The following MAGI3 variants were observed in gnomAD, a reference collection of about 807,000 sequenced individuals.
MAGI3 encodes the protein membrane-associated guanylate kinase, WW and PDZ domain-containing protein 3.
Under a neutral mutation model 121.8 loss-of-function variants are expected in MAGI3, and 43 were observed. The observed-to-expected ratio is 0.35, with a 90% confidence interval of 0.28 to 0.46. MAGI3 has a LOEUF of 0.46. MAGI3 is among the 20% of genes least tolerant of loss of function. The pLI is 1.00. For synonymous variants in MAGI3, 553 were observed against 639.3 expected, an observed-to-expected ratio of 0.86 and a Z score of 2.04; for missense variants, 1,547 against 1,797.3, an observed-to-expected ratio of 0.86 and a Z score of 2.52.
At chr1:113,479,207 G>A (rs1328872639) in intron 1 of MAGI3, among the ~76,000 whole-genome samples, 1 of 152,172 alleles carries the variant, frequency 6.6e-6, no homozygotes, top group Non-Finnish European at 1.5e-5. Context: ...CGCTTCCCAG[G>A]TGAGGTGACG....
At chr1:113,586,233 A>G (rs868001178) in intron 4 of MAGI3, among the ~76,000 whole-genome samples, 1 of 152,226 alleles carries the variant, frequency 6.6e-6, no homozygotes, top group Admixed American at 6.5e-5. Context: ...AGCTTATTCA[A>G]TGGTATTCAT....
At position 113,422,923 on chromosome 1, in the gene MAGI3, A is replaced by G. The variant is rs539887816; in HGVS notation, c.316+31574A>G. Among the ~76,000 whole-genome samples, 6 of 152,220 alleles carry G rather than the reference A, an allele frequency of 3.9e-5. No individual in the cohort carries two copies. The East Asian group carries it at 9.7e-4, about 25-fold the overall frequency. ...GTGCGGTGGAGGGCGGGAGGGCTAT[A>G]GTGTTACAGAAACTCTGGCTTGGGG... On this transcript the variant is annotated intron_variant, in intron 1 of 20. Transcript: ENST00000307546. This position sits in a 1 kb window ranked among gnomAD's most constrained non-coding sequence, Gnocchi z 4.3.
At chr1:113,449,854 G>T in intron 1 of MAGI3, 1 of 1,460,682 alleles carries the variant, frequency 6.8e-7, no homozygotes, top group Non-Finnish European at 9.5e-7. Flanking sequence ...CAAACAAAAC[G>T]TTCCAGGGGC....
chr1:113,430,497 A>T (rs553907101), intron 1 of MAGI3, among the ~76,000 whole-genome samples: 9 of 152,290 alleles, frequency 5.9e-5, no homozygotes, highest in South Asian at 4.1e-4. Flanking sequence ...AGAATATGAA[A>T]AGAGGTGTTT....
intron 16 of MAGI3, among the ~76,000 whole-genome samples, chr1:113,660,922 G>GAAGGAATGAGTA (rs1653756749): frequency 6.6e-6 from 1 of 151,712 alleles, no homozygotes; most frequent in Non-Finnish European, 1.5e-5. Context: ...TTTTTTGAAT[G>GAAGGAATGAGTA]AAGGAATGAG....
chr1:113,675,006 T>C (rs1312236595), intron 19 of MAGI3, among the ~76,000 whole-genome samples: 1 of 152,168 alleles, frequency 6.6e-6, no homozygotes, highest in Non-Finnish European at 1.5e-5. Context: ...GAACTTCAAA[T>C]GGTTGAGTTT....
chr1:113,652,123 G>T (rs182374249), intron 14 of MAGI3, among the ~76,000 whole-genome samples: 73 of 152,234 alleles, frequency 4.8e-4, no homozygotes, highest in African/African-American at 1.7e-3. Flanking sequence ...AGAGATCAGG[G>T]TTTAAACCAT....
chr1:113,635,694 G>T (rs1302071733), intron 9 of MAGI3, among the ~76,000 whole-genome samples: 2 of 152,056 alleles, frequency 1.3e-5, no homozygotes, highest in East Asian at 3.9e-4. Context: ...TCTCTTTTTT[G>T]GTTGTGTCTC....
chr1:113,407,718 A>G (rs1241772236), intron 1 of MAGI3, among the ~76,000 whole-genome samples: 2 of 152,092 alleles, frequency 1.3e-5, no homozygotes, highest in East Asian at 3.9e-4. Flanking sequence ...GTTACTGGTG[A>G]ATCTAGGATC....
intron 9 of MAGI3, among the ~76,000 whole-genome samples, chr1:113,628,499 A>G (rs1210686815): frequency 6.6e-6 from 1 of 152,072 alleles, no homozygotes; most frequent in Non-Finnish European, 1.5e-5. Context: ...TCTGTGTGCT[A>G]TTACCAGTGA....
chr1:113,602,540 CA>C (rs1649471303), intron 6 of MAGI3, among the ~76,000 whole-genome samples: 1 of 152,170 alleles, frequency 6.6e-6, no homozygotes, highest in South Asian at 2.1e-4. Context: ...AACGTAATGT[CA>C]CACCTCAAGG....
chr1:113,429,662 T>C (rs1056616269), intron 1 of MAGI3, among the ~76,000 whole-genome samples: 1 of 152,170 alleles, frequency 6.6e-6, no homozygotes, highest in Non-Finnish European at 1.5e-5. Context: ...GTTACAAAGC[T>C]GTACTCCTAT....
chr1:113,632,375 G>A (rs925372970), intron 9 of MAGI3, among the ~76,000 whole-genome samples: 3 of 152,104 alleles, frequency 2.0e-5, no homozygotes, highest in Non-Finnish European at 4.4e-5. Flanking sequence ...AATTTGCATG[G>A]CAATACAATA....
intron 1 of MAGI3, among the ~76,000 whole-genome samples, chr1:113,525,014 G>T (rs1405153361): frequency 6.6e-6 from 1 of 152,094 alleles, no homozygotes; most frequent in Non-Finnish European, 1.5e-5. Context: ...ATAAAGGGGA[G>T]TTTTCTTGCA....
intron 16 of MAGI3, 50 bp from the exon 17 acceptor site, chr1:113,671,684 C>A: frequency 6.3e-7 from 1 of 1,582,140 alleles, no homozygotes; most frequent in Non-Finnish European, 8.7e-7. Context: ...GCTTGGCCTT[C>A]ACATTTTTAT....
chr1:113,654,138 G>A, intron 15 of MAGI3, 120 bp downstream of exon 15: 1 of 744,124 alleles, frequency 1.3e-6, no homozygotes, highest in Non-Finnish European at 2.1e-6. Context: ...ATCTTTTTAA[G>A]AATGGTGAAT....
At chr1:113,673,214 C>A in intron 18 of MAGI3, 108 bp from the exon 19 acceptor site, 2 of 1,285,464 alleles carry the variant, frequency 1.6e-6, no homozygotes, top group South Asian at 1.3e-5. Context: ...TATAGAAATG[C>A]ACATTGAGAG....
At chr1:113,509,426 C>A (rs1395111580) in intron 1 of MAGI3, among the ~76,000 whole-genome samples, 1 of 142,718 alleles carries the variant, frequency 7.0e-6, no homozygotes, top group Non-Finnish European at 1.5e-5. Flanking sequence ...ATGGTCCTGG[C>A]AAAAATTAGT....
chr1:113,551,445 T>G (rs1659783927), intron 2 of MAGI3, among the ~76,000 whole-genome samples: 2 of 152,204 alleles, frequency 1.3e-5, no homozygotes, highest in Admixed American at 6.5e-5. Context: ...CCTTCAAAGA[T>G]TTCTACTGAC....
Sources: gnomAD v4.1 joint callset for allele counts (sites outside exome capture counted in the v4.1 genomes callset) on GRCh38, gnomAD v4.1.1 for gene constraint, Gnocchi (gnomAD v3.1) non-coding constraint, MANE v1.5 for transcripts, NCBI Gene and HGNC (gene_info 2026-07-23, HGNC 2026-07-21) for gene names.